Variants in TBCD observed in about 807,000 individuals in gnomAD.
TBCD encodes the protein tubulin folding cofactor D, also known as tubulin-specific chaperone D.
In TBCD, 105 loss-of-function variants were observed where a neutral mutation model predicts 169.3. The ratio of observed to expected loss-of-function variants is 0.62; its 90% CI spans 0.53 to 0.73. TBCD has a LOEUF of 0.73. Ranked by LOEUF, TBCD falls within the 30% of genes least tolerant of loss-of-function variation. The pLI is 0.00. For synonymous variants in TBCD, 700 were observed against 643.9 expected, an observed-to-expected ratio of 1.09 and a Z score of -1.32; for missense variants, 1,444 against 1,600.1, an observed-to-expected ratio of 0.90 and a Z score of 1.66.
intron 17 of TBCD, among the ~76,000 whole-genome samples, chr17:82,899,916 T>C (rs1486212461): frequency 2.6e-5 from 4 of 152,258 alleles, no homozygotes; most frequent in Admixed American, 1.3e-4. Context: ...TTATTTTCTT[T>C]TGTGATGTTT....
chr17:82,758,174 AG>A (rs1324657547), intron 2 of TBCD, among the ~76,000 whole-genome samples: 1 of 151,768 alleles, frequency 6.6e-6, no homozygotes, highest in Non-Finnish European at 1.5e-5. Context: ...GGATCACCTG[AG>A]GTCAGGAGTT....
chr17:82,819,280 C>T (rs2052203402), intron 13 of TBCD, among the ~76,000 whole-genome samples: 1 of 152,116 alleles, frequency 6.6e-6, no homozygotes, highest in African/African-American at 2.4e-5. Context: ...GTCTTTCTGC[C>T]CTTAGTCCTC....
At chr17:82,823,869 A>G (rs760012069) in intron 13 of TBCD, among the ~76,000 whole-genome samples, 8 of 152,240 alleles carry the variant, frequency 5.3e-5, no homozygotes, top group South Asian at 2.1e-4. Flanking sequence ...TTGTACAACC[A>G]TCACCATTAT....
At chr17:82,771,047 CAAAAAAA>C (rs36015818) in intron 5 of TBCD, among the ~76,000 whole-genome samples, 3 of 38,692 alleles carry the variant, frequency 7.8e-5, no homozygotes, top group African/African-American at 1.4e-4. Context: ...GACTCCGTCT[CAAAAAAA>C]AAAAAAAAAA....
chr17:82,899,249 C>CG (rs1567988409), intron 17 of TBCD, among the ~76,000 whole-genome samples: 1 of 145,992 alleles, frequency 6.8e-6, no homozygotes, highest in African/African-American at 2.7e-5. Context: ...CCTCAGCGCA[C>CG]GTGTCCTCAG....
chr17:82,917,264 C>T (rs2061116044), intron 23 of TBCD, among the ~76,000 whole-genome samples: 1 of 152,150 alleles, frequency 6.6e-6, no homozygotes, highest in East Asian at 1.9e-4. Context: ...GTGATCTGCT[C>T]ACCTTGGCCT....
intron 13 of TBCD, among the ~76,000 whole-genome samples, chr17:82,829,107 C>A (rs1285939428): frequency 6.6e-6 from 1 of 151,428 alleles, no homozygotes; most frequent in East Asian, 1.9e-4. Context: ...AATGCGCACC[C>A]CCCACAGATA....
chr17:82,930,469 G>A lies in TBCD; in HGVS notation c.2992-53G>A. ...CTTGACCGGCTGTAGCCAAGCCTGAGGGGTGGCAGGCTCGGGGGTCCCACT... is the reference window on the plus strand; with the variant it reads ...CTTGACCGGCTGTAGCCAAGCCTGAAGGGTGGCAGGCTCGGGGGTCCCACT... On this transcript the variant is annotated intron_variant, in intron 32 of 38. Transcript: ENST00000355528. This position sits in a 1 kb window ranked among gnomAD's most constrained non-coding sequence, Gnocchi z 5.2. 5.6e-6 allele frequency: 9 copies of A among 1,595,924 alleles called. No homozygotes were observed. The South Asian group carries it at 1.0e-4, about 18-fold the overall frequency.
intron 13 of TBCD, among the ~76,000 whole-genome samples, chr17:82,853,584 T>C (rs1185011433): frequency 1.3e-5 from 2 of 152,048 alleles, no homozygotes; most frequent in Non-Finnish European, 2.9e-5. Flanking sequence ...TTCTTTTTTT[T>C]TTTGTAGAGA....
chr17:82,790,887 C>T (rs976232708), intron 7 of TBCD, among the ~76,000 whole-genome samples: 1 of 152,092 alleles, frequency 6.6e-6, no homozygotes, highest in African/African-American at 2.4e-5. Flanking sequence ...TGACCTCAGA[C>T]GCTGGAGCCT....
chr17:82,843,291 G>A (rs1420854689), intron 13 of TBCD, among the ~76,000 whole-genome samples: 12 of 78,112 alleles, frequency 1.5e-4, no homozygotes, highest in East Asian at 4.9e-4. Flanking sequence ...TCCCCTCCCT[G>A]TCCAGCTTAC....
chr17:82,785,892 A>G lies in TBCD; in HGVS notation c.771+4171A>G, dbSNP rs151054376. The stretch of plus-strand genomic sequence containing the variant: ...TGTGTGACTGGGACCACTGGACCCG[A>G]CCCATCGCAGTGGGAGGGGGTCCAT... On this transcript the variant is annotated intron_variant, in intron 7 of 38. Coordinates refer to ENST00000355528, the MANE Select transcript of TBCD (RefSeq NM_005993.5). Among the ~76,000 whole-genome samples, 69 of 142,566 alleles carry G rather than the reference A, an allele frequency of 4.8e-4. 2 individuals carry two copies. The highest frequency in any genetic ancestry group is 1.9e-3 in the African/African-American group (68 of 36,066). 93.5% of individuals were successfully genotyped at this position (142,566 alleles called of 152,430 possible).
At chr17:82,846,858 G>C (rs7226304) in intron 13 of TBCD, among the ~76,000 whole-genome samples, 1 of 148,218 alleles carries the variant, frequency 6.7e-6, no homozygotes, top group Non-Finnish European at 1.5e-5. Flanking sequence ...GCCTGGGACC[G>C]CGTGTCCAGG....
At chr17:82,905,912 C>A (rs997912189) in intron 19 of TBCD, 24 bp from the exon 20 acceptor site, 1 of 1,580,026 alleles carries the variant, frequency 6.3e-7, no homozygotes, top group Non-Finnish European at 8.6e-7. Flanking sequence ...CCCTCACCTG[C>A]CCTCTCGGCC....
chr17:82,770,111 C>G (rs1271012982), intron 5 of TBCD, among the ~76,000 whole-genome samples: 2 of 152,156 alleles, frequency 1.3e-5, no homozygotes, highest in Non-Finnish European at 2.9e-5. Context: ...TGCTCTTCAT[C>G]AGGGCTCAGC....
intron 13 of TBCD, among the ~76,000 whole-genome samples, chr17:82,829,094 T>C (rs1437251970): frequency 7.5e-6 from 1 of 134,064 alleles, no homozygotes; most frequent in African/African-American, 2.9e-5. Context: ...ACCCACACAA[T>C]TGAATGCGCA....
In TBCD at chr17:82,923,070, C is replaced by T. The variant is rs999786434; in HGVS notation, c.2179-582C>T. 1.2e-4 allele frequency among the ~76,000 whole-genome samples: 18 copies of T among 152,340 alleles called. No homozygotes were observed. Among genetic ancestry groups the T allele is most frequent in the Non-Finnish European group, 1.9e-4 (13 of 68,034 alleles). On this transcript the variant is annotated intron_variant, in intron 25 of 38. Transcript: ENST00000355528. This position sits in a 1 kb window ranked among gnomAD's most constrained non-coding sequence, Gnocchi z 4.6. ...CCGGCCCCAACTCCTGTTCCCAGTG[C>T]GCCCCCGGAGCCCTGTCTCTCTAAA...
At chr17:82,766,390 C>A (rs200465187) in intron 4 of TBCD, 22 bp downstream of exon 4, 11 of 1,581,712 alleles carry the variant, frequency 7.0e-6, no homozygotes, top group Admixed American at 3.5e-5. Flanking sequence ...TGCCTCCCCC[C>A]TCGTCTCCAG....
chr17:82,850,051 T>C (rs140849048), intron 13 of TBCD, among the ~76,000 whole-genome samples: 7,140 of 24,384 alleles, frequency 0.29, 1,506 homozygotes, highest in Non-Finnish European at 0.35. Context: ...GGCTGTGCTG[T>C]TGTTGGCTGT....
Sources: gnomAD v4.1 joint callset for allele counts (sites outside exome capture counted in the v4.1 genomes callset) on GRCh38, gnomAD v4.1.1 for gene constraint, Gnocchi (gnomAD v3.1) non-coding constraint, MANE v1.5 for transcripts, NCBI Gene and HGNC (gene_info 2026-07-23, HGNC 2026-07-21) for gene names.